The following TNS3 variants were observed in gnomAD, a reference collection of about 807,000 sequenced individuals.
The protein encoded by TNS3 is tensin-3.
In TNS3, 45 loss-of-function variants were observed where a neutral mutation model predicts 140.9. That is an observed-to-expected ratio of 0.32 (90% CI 0.25 to 0.41). The LOEUF (loss-of-function observed/expected upper bound fraction) is 0.41. TNS3 is among the 10% of genes least tolerant of loss of function. The probability of loss-of-function intolerance (pLI) is 1.00; values close to 1 mark genes in which losing one functional copy is unlikely to be tolerated. For missense variants in TNS3, 1,716 were observed against 1,906.7 expected, an observed-to-expected ratio of 0.90 and a Z score of 1.86; for synonymous variants, 815 against 788.4, an observed-to-expected ratio of 1.03 and a Z score of -0.56.
intron 26 of TNS3, among the ~76,000 whole-genome samples, chr7:47,292,355 A>G (rs1785755234): frequency 6.6e-6 from 1 of 152,260 alleles, no homozygotes; most frequent in Admixed American, 6.5e-5. Flanking sequence ...ACTGCTTAGG[A>G]AAGTGGGACA....
At chr7:47,417,770 A>C (rs74692511) in intron 10 of TNS3, among the ~76,000 whole-genome samples, 5 of 151,834 alleles carry the variant, frequency 3.3e-5, no homozygotes, top group African/African-American at 4.8e-5. Context: ...ACAAAAAAAA[A>C]CCAACATATT....
chr7:47,303,515 G>A lies in TNS3; in HGVS notation c.2892C>T (p.Gly964=). Residue 964 remains glycine, a synonymous_variant, in exon 22 of 31, where the codon GGC becomes GGT. Transcript: ENST00000311160. The part of the protein sequence containing the change: ...PKPMVSLLGS[G]RPTGSPLSAE... ...CGCTGAGGGGACTTCCGGTGGGCCG[G>A]CCGCTCCCCAGCAGGGAAACCATGG... is the stretch of plus-strand genomic sequence containing the variant. The A allele has an allele frequency of 6.2e-7, 1 of 1,607,600 alleles. No homozygotes were observed.
intron 20 of TNS3, among the ~76,000 whole-genome samples, chr7:47,316,687 G>A (rs1436733230): frequency 6.8e-6 from 1 of 146,632 alleles, no homozygotes; most frequent in Non-Finnish European, 1.5e-5. Context: ...AAGTTAGCCA[G>A]AAATCACTTG....
chr7:47,300,873 A>AGG, intron 23 of TNS3, among the ~76,000 whole-genome samples: 1 of 152,350 alleles, frequency 6.6e-6, no homozygotes, highest in African/African-American at 2.4e-5. Context: ...GCAGTGTTTC[A>AGG]CAAAGGCCAA....
In TNS3 at chr7:47,424,924, C is replaced by A. The variant is rs553802155; in HGVS notation, c.390-740G>T. On this transcript the variant is annotated intron_variant, in intron 9 of 30. Coordinates refer to ENST00000311160, the MANE Select transcript of TNS3 (RefSeq NM_022748.12). ...ACAGAAACTTCCAGAAATCTCACAG[C>A]AGGGCATTCATGGGATTTCTTGATA... 3.3e-5 allele frequency among the ~76,000 whole-genome samples: 5 copies of A among 152,344 alleles called. No individual in the cohort carries two copies. The South Asian group carries it at 1.0e-3, about 32-fold the overall frequency.
chr7:47,423,774 C>T (rs1362888522), intron 10 of TNS3, among the ~76,000 whole-genome samples: 3 of 152,166 alleles, frequency 2.0e-5, no homozygotes, highest in African/African-American at 7.2e-5. Context: ...CTGGTCTAGC[C>T]AATAGAACCA....
chr7:47,454,919 G>A (rs1163205359), intron 4 of TNS3, among the ~76,000 whole-genome samples: 1 of 152,182 alleles, frequency 6.6e-6, no homozygotes. Flanking sequence ...CAGCAGGTGG[G>A]AGGGGTTATG....
At chr7:47,540,508 T>A (rs958139918) in intron 1 of TNS3, among the ~76,000 whole-genome samples, 12 of 152,176 alleles carry the variant, frequency 7.9e-5, no homozygotes, top group African/African-American at 2.9e-4. Flanking sequence ...GCTGCTCCTA[T>A]GAGTCCATTC....
chr7:47,369,799 C>G (rs1188798686), intron 16 of TNS3, among the ~76,000 whole-genome samples, 178 bp from the exon 17 acceptor site: 1 of 152,194 alleles, frequency 6.6e-6, no homozygotes, highest in South Asian at 2.1e-4. Context: ...CTGGAGGATG[C>G]CAATGAAAAG....
intron 1 of TNS3, among the ~76,000 whole-genome samples, chr7:47,532,699 A>G (rs1439619254): frequency 1.3e-5 from 2 of 152,034 alleles, no homozygotes; most frequent in Non-Finnish European, 2.9e-5. Flanking sequence ...CAGGACAAGA[A>G]CTCAGGCAAA....
intron 4 of TNS3, among the ~76,000 whole-genome samples, chr7:47,466,020 A>T (rs570988984): frequency 2.6e-5 from 4 of 152,296 alleles, no homozygotes; most frequent in Admixed American, 6.5e-5. Context: ...TGTGAAGAAT[A>T]ATTTCTTAAA....
chr7:47,421,788 T>C lies in TNS3; in HGVS notation c.473+2313A>G, dbSNP rs556835985. Among the ~76,000 whole-genome samples the C allele has an allele frequency of 4.6e-5, 7 of 152,322 alleles. No individual in the cohort carries two copies. The South Asian group carries it at 1.5e-3, about 32-fold the overall frequency. Reference sequence around the variant, plus strand: ...ATGTGAGTTTTACGGGTCAGCTCCATGGGCCAACTGCTCCATGGCGTTTCA... The same window carrying C: ...ATGTGAGTTTTACGGGTCAGCTCCACGGGCCAACTGCTCCATGGCGTTTCA... On this transcript the variant is annotated intron_variant, in intron 10 of 30. Coordinates refer to ENST00000311160, the MANE Select transcript of TNS3 (RefSeq NM_022748.12).
At chr7:47,494,342 A>G (rs536067796) in intron 3 of TNS3, among the ~76,000 whole-genome samples, 21 of 151,912 alleles carry the variant, frequency 1.4e-4, no homozygotes, top group African/African-American at 5.1e-4. Flanking sequence ...TTTCTAACCA[A>G]CCTCCTGAGG....
chr7:47,292,172 G>A (rs1785744364), intron 26 of TNS3, 140 bp from the exon 27 acceptor site: 1 of 781,630 alleles, frequency 1.3e-6, no homozygotes, highest in Non-Finnish European at 2.0e-6. Context: ...TTCTCTTTGG[G>A]ACAATAATTT....
chr7:47,277,723 C>T lies in TNS3; in HGVS notation c.*353G>A, dbSNP rs1784929642. 1 of 341,494 alleles carries T rather than the reference C, an allele frequency of 2.9e-6. No homozygotes were observed. Among genetic ancestry groups the T allele is most frequent in the Non-Finnish European group, 5.6e-6 (1 of 178,102 alleles). The allele number at this position is 341,494 out of a possible 1,614,324, so 21.2% of individuals were successfully genotyped here. A position where few individuals can be genotyped will look rare whatever the true frequency, so the allele number is the denominator to read the frequency against. Reference sequence around the variant, plus strand: ...CTCAAGGGCTGGGGATTCCTCATCCCCCGGAATGCTAGTGTGCCAGGGACA... The same window carrying T: ...CTCAAGGGCTGGGGATTCCTCATCCTCCGGAATGCTAGTGTGCCAGGGACA... On this transcript the variant is annotated 3_prime_UTR_variant, in exon 31 of 31. Coordinates refer to ENST00000311160, the MANE Select transcript of TNS3 (RefSeq NM_022748.12).
intron 3 of TNS3, among the ~76,000 whole-genome samples, chr7:47,490,102 T>C (rs1163687469): frequency 3.9e-5 from 6 of 152,208 alleles, no homozygotes; most frequent in African/African-American, 1.2e-4. Context: ...AAAGGTAGTA[T>C]TGAGTTGATG....
chr7:47,282,921 C>A (rs926899334), intron 28 of TNS3, among the ~76,000 whole-genome samples: 1 of 152,112 alleles, frequency 6.6e-6, no homozygotes, highest in Non-Finnish European at 1.5e-5. Context: ...CACAGAGAGG[C>A]ATGGGGGCCC....
Position 47,457,502 on chromosome 7 carries a change from C to T in TNS3, c.-75-15447G>A, listed in dbSNP as rs139487043. Among the ~76,000 whole-genome samples, 4 of 152,224 alleles carry T rather than the reference C, an allele frequency of 2.6e-5. No individual in the cohort carries two copies. In the East Asian group the frequency reaches 5.8e-4, roughly 22 times the overall value. Reference sequence around the variant, plus strand: ...CACTCCAAATAGCTTCAACAGCCTCCAAGAGGCCACTCCTCCTAATCACTC... The same window carrying T: ...CACTCCAAATAGCTTCAACAGCCTCTAAGAGGCCACTCCTCCTAATCACTC... On this transcript the variant is annotated intron_variant, in intron 4 of 30. Coordinates refer to ENST00000311160, the MANE Select transcript of TNS3 (RefSeq NM_022748.12).
intron 4 of TNS3, among the ~76,000 whole-genome samples, chr7:47,460,541 G>T (rs1338603007): frequency 2.0e-5 from 3 of 152,228 alleles, no homozygotes; most frequent in Non-Finnish European, 4.4e-5. Flanking sequence ...CCCAGGATGG[G>T]CAGGTGGCCT....
Sources: gnomAD v4.1 joint callset for allele counts (sites outside exome capture counted in the v4.1 genomes callset) on GRCh38, gnomAD v4.1.1 for gene constraint, MANE v1.5 for transcripts, NCBI Gene and HGNC (gene_info 2026-07-23, HGNC 2026-07-21) for gene names.